Variants in ZZZ3 observed in about 807,000 individuals in gnomAD.
ZZZ3 encodes zinc finger ZZ-type containing 3.
ZZZ3 carries 22 observed loss-of-function variants against 95.2 expected under a neutral mutation model. That is an observed-to-expected ratio of 0.23 (90% CI 0.17 to 0.33). The LOEUF is 0.33. Among genes scored for constraint, ZZZ3 ranks in the 10% least tolerant of loss-of-function variants. The pLI is 1.00. For synonymous variants in ZZZ3, 335 were observed against 358.9 expected, an observed-to-expected ratio of 0.93 and a Z score of 0.75; for missense variants, 885 against 1,066.5, an observed-to-expected ratio of 0.83 and a Z score of 2.37.
intron 1 of ZZZ3, among the ~76,000 whole-genome samples, chr1:77,652,013 T>A (rs1410381753): frequency 1.5e-5 from 2 of 134,380 alleles, no homozygotes; most frequent in Admixed American, 7.9e-5. Context: ...CAAAACTCCA[T>A]CTCCAAAAAA....
intron 1 of ZZZ3, among the ~76,000 whole-genome samples, chr1:77,655,284 G>T (rs1238922886): frequency 1.3e-5 from 2 of 152,134 alleles, no homozygotes; most frequent in African/African-American, 4.8e-5. Flanking sequence ...CATGAGTTTT[G>T]GATGGGACAT....
At chr1:77,583,691 G>A (rs553705358) in intron 6 of ZZZ3, among the ~76,000 whole-genome samples, 2 of 152,130 alleles carry the variant, frequency 1.3e-5, no homozygotes, top group East Asian at 1.9e-4. Flanking sequence ...AACTCATAAA[G>A]ATACTAAAGT....
rs373563462 is a variant in ZZZ3, at chr1:77,630,491, AAAAC to A, written c.1505+1355_1505+1358del. On this transcript the variant is annotated intron_variant, in intron 5 of 14. Transcript: ENST00000370801. ...ATGCTGTCTCAAAAAACGAAAAACA[AAAAC>A]AAACAAACAAACAAAAAAACTGACA... Among the ~76,000 whole-genome samples, 88 of 152,270 alleles carry A rather than the reference AAAAC, an allele frequency of 5.8e-4. 1 individual carries two copies. The highest frequency in any genetic ancestry group is 1.9e-3 in the African/African-American group (78 of 41,554).
At chr1:77,662,705 C>T (rs561396814) in intron 1 of ZZZ3, among the ~76,000 whole-genome samples, 1 of 152,242 alleles carries the variant, frequency 6.6e-6, no homozygotes, top group African/African-American at 2.4e-5. Flanking sequence ...GCAGGAGGAT[C>T]ACTTGAGTCC....
intron 10 of ZZZ3, among the ~76,000 whole-genome samples, chr1:77,579,135 C>T (rs1662252846): frequency 6.6e-6 from 1 of 152,206 alleles, no homozygotes; most frequent in South Asian, 2.1e-4. Context: ...AGTATAAAAA[C>T]ACATCTATTA....
intron 5 of ZZZ3, among the ~76,000 whole-genome samples, chr1:77,607,310 C>T (rs1665332069): frequency 6.6e-6 from 1 of 152,138 alleles, no homozygotes; most frequent in Admixed American, 6.5e-5. Context: ...TGCAGGAAAC[C>T]ATCCCCATGA....
intron 5 of ZZZ3, among the ~76,000 whole-genome samples, chr1:77,620,554 A>C (rs141472709): frequency 8.0e-4 from 122 of 152,088 alleles, no homozygotes; most frequent in African/African-American, 2.7e-3. Flanking sequence ...TGAATCAGTA[A>C]GAACAGTAGG....
At chr1:77,620,503 AAGG>A (rs1666752435) in intron 5 of ZZZ3, among the ~76,000 whole-genome samples, 4 of 150,214 alleles carry the variant, frequency 2.7e-5, no homozygotes, top group East Asian at 3.9e-4. Context: ...GGAAGGAAGG[AAGG>A]AAGGAAGGAA....
At chr1:77,604,969 G>C (rs898856311) in intron 5 of ZZZ3, among the ~76,000 whole-genome samples, 3 of 152,084 alleles carry the variant, frequency 2.0e-5, no homozygotes, top group Non-Finnish European at 4.4e-5. Flanking sequence ...CTAAAGAGGG[G>C]CAGAGCAAGA....
chr1:77,658,658 C>T (rs893802207), intron 1 of ZZZ3, among the ~76,000 whole-genome samples: 4 of 152,100 alleles, frequency 2.6e-5, no homozygotes, highest in Admixed American at 1.3e-4. Flanking sequence ...GCCACACCGC[C>T]CAGCCTAAAA....
Position 77,576,073 on chromosome 1 carries a change from C to G in ZZZ3, c.2326G>C (p.Ala776Pro). ...HSHMNTAVED[A>P]SDDESIPIMY... ...ACTTGATGTGTATAACTTACTGATG[C>G]ATCTTCAACAGCAGTGTTCATGTGG... Residue 776 changes from alanine to proline, a missense_variant, in exon 12 of 15, where the codon GCA (alanine) becomes CCA (proline). Ala to Pro is a conservative substitution (Grantham distance 27). This residue lies in a region of ZZZ3 where 221 missense variants were observed against 247.8 expected (regional missense o/e 0.89). Coordinates refer to ENST00000370801, the MANE Select transcript of ZZZ3 (RefSeq NM_015534.6). 6.2e-7 allele frequency: 1 copy of G among 1,603,632 alleles called. No homozygotes were observed. The highest frequency in any genetic ancestry group is 1.3e-5 in the African/African-American group (1 of 74,512).
At chr1:77,593,783 T>A (rs539302293) in intron 5 of ZZZ3, among the ~76,000 whole-genome samples, 1 of 152,234 alleles carries the variant, frequency 6.6e-6, no homozygotes, top group East Asian at 1.9e-4. Flanking sequence ...AGGAAGAAAA[T>A]GTTACAAAGA....
At chr1:77,575,479 T>G (rs1486655421) in intron 12 of ZZZ3, among the ~76,000 whole-genome samples, 1 of 152,224 alleles carries the variant, frequency 6.6e-6, no homozygotes, top group Non-Finnish European at 1.5e-5. Context: ...ATCTCATCAA[T>G]GCTCTTGACC....
intron 5 of ZZZ3, among the ~76,000 whole-genome samples, chr1:77,598,358 C>T (rs1664411531): frequency 6.6e-6 from 1 of 152,226 alleles, no homozygotes; most frequent in Admixed American, 6.5e-5. Context: ...TCATTATCCT[C>T]ACATTGAATA....
At chr1:77,644,621 T>C (rs557006455) in intron 1 of ZZZ3, among the ~76,000 whole-genome samples, 35 of 152,342 alleles carry the variant, frequency 2.3e-4, no homozygotes, top group South Asian at 6.2e-4. Context: ...TATTTCGCCA[T>C]GAGCAAGTCA....
At position 77,564,755 on chromosome 1, in the gene ZZZ3, G is replaced by T. The variant is rs1660680383; in HGVS notation, c.*885C>A. 6.6e-6 allele frequency: 1 copy of T among 152,488 alleles called. No homozygotes were observed. Among genetic ancestry groups the T allele is most frequent in the Non-Finnish European group, 1.5e-5 (1 of 68,002 alleles). The allele number at this position is 152,488 out of a possible 1,614,324, so 9.4% of individuals were successfully genotyped here. ...TGGATCTTGTGCAGACTACAAAAGA[G>T]GGAAATTATTACCATATATATGATT... is the stretch of plus-strand genomic sequence containing the variant. On this transcript the variant is annotated 3_prime_UTR_variant, in exon 15 of 15. Coordinates refer to ENST00000370801, the MANE Select transcript of ZZZ3 (RefSeq NM_015534.6).
intron 5 of ZZZ3, among the ~76,000 whole-genome samples, chr1:77,631,487 T>A (rs1230667696): frequency 2.0e-5 from 3 of 152,216 alleles, no homozygotes; most frequent in Non-Finnish European, 4.4e-5. Flanking sequence ...TCATTAATTG[T>A]CCTATGCTAT....
At chr1:77,568,751 T>C (rs1342851143) in intron 12 of ZZZ3, among the ~76,000 whole-genome samples, 1 of 151,970 alleles carries the variant, frequency 6.6e-6, no homozygotes, top group East Asian at 1.9e-4. Flanking sequence ...TCACACACTA[T>C]TGCAAACCCA....
rs1245045558 is a variant in ZZZ3, at chr1:77,566,657, C to T, written c.2467-476G>A. On this transcript the variant is annotated intron_variant, in intron 13 of 14. Coordinates refer to ENST00000370801, the MANE Select transcript of ZZZ3 (RefSeq NM_015534.6). ...GGTAATTGATACAGAATTGTTTTAG[C>T]AGGTTCTCTTGGCTAACATAAACCC... Among the ~76,000 whole-genome samples the T allele has an allele frequency of 2.0e-5, 3 of 152,166 alleles. No homozygotes were observed. In the East Asian group the frequency reaches 5.8e-4, roughly 29 times the overall value.
Sources: gnomAD v4.1 joint callset for allele counts (sites outside exome capture counted in the v4.1 genomes callset) on GRCh38, gnomAD v4.1.1 for gene constraint, gnomAD v4.1.1 regional missense constraint, MANE v1.5 for transcripts, NCBI Gene and HGNC (gene_info 2026-07-23, HGNC 2026-07-21) for gene names.